The following SRSF3 variants were observed in gnomAD, a reference collection of about 807,000 sequenced individuals.
SRSF3 encodes serine and arginine rich splicing factor 3.
For synonymous variants in SRSF3, 87 were observed against 73.6 expected, an observed-to-expected ratio of 1.18 and a Z score of -0.93; for missense variants, 58 against 217.1, an observed-to-expected ratio of 0.27 and a Z score of 4.61.
intron 1 of SRSF3, among the ~76,000 whole-genome samples, 179 bp from the exon 2 acceptor site, chr6:36,596,582 G>GGGGGGGGGGGGGGGGGC (rs1219398166): frequency 6.9e-6 from 1 of 144,272 alleles, no homozygotes; most frequent in African/African-American, 2.6e-5. Flanking sequence ...GGCGGGGGGG[G>GGGGGGGGGGGGGGGGGC]GGAAATGGGT....
intron 3 of SRSF3, among the ~76,000 whole-genome samples, chr6:36,599,206 C>G (rs544285191): frequency 6.6e-6 from 1 of 152,252 alleles, no homozygotes; most frequent in East Asian, 1.9e-4. Flanking sequence ...TATCTTGGAT[C>G]TGTCTTCTAG....
At chr6:36,600,800 A>G (rs1450865809) in intron 3 of SRSF3, 1 of 181,486 alleles carries the variant, frequency 5.5e-6, no homozygotes, top group East Asian at 1.4e-4. Flanking sequence ...GGTTTATGGT[A>G]CTGTTTTTGG....
chr6:36,595,536 A>C (rs1180485202), intron 1 of SRSF3, among the ~76,000 whole-genome samples: 2 of 152,212 alleles, frequency 1.3e-5, no homozygotes, highest in East Asian at 1.9e-4. Flanking sequence ...GCAACCACTA[A>C]TCTTCCTGTC....
rs1778774838 is a variant in SRSF3, at chr6:36,604,235, G to GC, written c.*2246_*2247insC. On this transcript the variant is annotated 3_prime_UTR_variant, in exon 6 of 6. Transcript: ENST00000373715. ...CTTAGACCTGTGGTTTAAGGATCAA[G>GC]GTGTTCACTAGAAGTCACTGTTACT... 2 of 218,702 alleles carry GC rather than the reference G, an allele frequency of 9.1e-6. No individual in the cohort carries two copies. The highest frequency in any genetic ancestry group is 1.8e-5 in the Non-Finnish European group (2 of 108,838). 13.5% of individuals were successfully genotyped at this position (218,702 alleles called of 1,614,324 possible).
intron 1 of SRSF3, among the ~76,000 whole-genome samples, chr6:36,596,478 C>T (rs921744676): frequency 3.3e-5 from 5 of 150,560 alleles, no homozygotes; most frequent in African/African-American, 1.2e-4. Context: ...GGTAAATGCT[C>T]CTCCAGTTGT....
intron 2 of SRSF3, 87 bp downstream of exon 2, chr6:36,597,055 T>TC: frequency 8.8e-7 from 1 of 1,135,760 alleles, no homozygotes; most frequent in Non-Finnish European, 1.3e-6. Flanking sequence ...TAGATGGCTT[T>TC]CCCAATCACT....
intron 1 of SRSF3, chr6:36,594,884 C>T (rs1460494596): frequency 6.6e-6 from 1 of 152,116 alleles, no homozygotes; most frequent in Admixed American, 6.5e-5. Flanking sequence ...TAAATGGCCC[C>T]CGTAGTCACC....
chr6:36,600,674 A>G (rs1034988849), intron 3 of SRSF3: 12 of 153,808 alleles, frequency 7.8e-5, no homozygotes, highest in Admixed American at 1.9e-4. Context: ...TGCAGTTCTA[A>G]TGTAGCACTT....
chr6:36,600,445 A>C, intron 3 of SRSF3: 1 of 236,304 alleles, frequency 4.2e-6, no homozygotes, highest in Non-Finnish European at 6.9e-6. Flanking sequence ...TAATGTAACT[A>C]GGCCTTCAAG....
At chr6:36,596,675 C>G in intron 1 of SRSF3, 86 bp from the exon 2 acceptor site, 1 of 1,218,974 alleles carries the variant, frequency 8.2e-7, no homozygotes, top group Non-Finnish European at 1.2e-6. Flanking sequence ...CTCTCTTGTC[C>G]TCTCTAATGG....
rs1778676327 is a variant in SRSF3 at position 36,599,017 on chromosome 6, T to G, written c.341+34T>G. ...GAGAAAGCTTGTTAAGAGGTATTGGTGTAATGGAGTAGCTAGTAGGAGCAG... is the reference window on the plus strand; with the variant it reads ...GAGAAAGCTTGTTAAGAGGTATTGGGGTAATGGAGTAGCTAGTAGGAGCAG... On this transcript the variant is annotated intron_variant, in intron 3 of 5. Coordinates refer to ENST00000373715, the MANE Select transcript of SRSF3 (RefSeq NM_003017.5). 36 of 1,609,826 alleles carry G rather than the reference T, an allele frequency of 2.2e-5. No homozygotes were observed. In the East Asian group the frequency reaches 7.1e-4, roughly 32 times the overall value.
Position 36,602,183 on chromosome 6 carries a change from A to G in SRSF3, c.*194A>G. On this transcript the variant is annotated 3_prime_UTR_variant, in exon 6 of 6. Transcript: ENST00000373715. ...TCTATGGTTTGAAATGGATCATACG[A>G]GGCATGTAATACCAAGAATTGTTAC... 9.0e-7 allele frequency: 1 copy of G among 1,111,814 alleles called. No homozygotes were observed. Among genetic ancestry groups the G allele is most frequent in the Non-Finnish European group, 1.2e-6 (1 of 819,088 alleles). The allele number at this position is 1,111,814 out of a possible 1,614,324, so 68.9% of individuals were successfully genotyped here. A position where few individuals can be genotyped will look rare whatever the true frequency, so the allele number is the denominator to read the frequency against.
intron 3 of SRSF3, chr6:36,600,526 C>T (rs966487360): frequency 6.4e-6 from 1 of 157,480 alleles, no homozygotes; most frequent in African/African-American, 2.4e-5. Context: ...GCTTTTCTGG[C>T]AAAAATTTGT....
chr6:36,598,775 T>A, intron 2 of SRSF3, 74 bp from the exon 3 acceptor site: 1 of 1,543,328 alleles, frequency 6.5e-7, no homozygotes, highest in South Asian at 1.2e-5. Context: ...AATAGCCAAC[T>A]GAGAGTACTT....
chr6:36,601,497 A>T, intron 4 of SRSF3: 1 of 578,676 alleles, frequency 1.7e-6, no homozygotes, highest in Non-Finnish European at 3.0e-6. Context: ...ACAGGCAAGT[A>T]CTGCCATACC....
Position 36,598,980 on chromosome 6 carries a change from G to A in SRSF3, c.338G>A (p.Arg113His), listed in dbSNP as rs1035726854. 6.2e-7 allele frequency: 1 copy of A among 1,614,048 alleles called. No individual in the cohort carries two copies. The highest frequency in any genetic ancestry group is 8.5e-7 in the Non-Finnish European group (1 of 1,179,984). ...DYRRRSPPPR[R>H]RSPRRRSFSR... ...CGTAGGAGGAGTCCTCCACCTCGTC[G>A]CAGGTACTTGAGAGAAAGCTTGTTA... The change falls in exon 3 of 6, where the codon CGC becomes CAC. Residue 113 changes from arginine (R) to histidine (H), a missense_variant. Physicochemically the swap from Arg to His is conservative, Grantham distance 29 (BLOSUM62 0). Coordinates refer to ENST00000373715, the MANE Select transcript of SRSF3 (RefSeq NM_003017.5).
chr6:36,602,870 T>TA lies in SRSF3; in HGVS notation c.*882dup, dbSNP rs1778741248. 4.8e-6 allele frequency: 1 copy of TA among 208,598 alleles called. No individual in the cohort carries two copies. The allele number at this position is 208,598 out of a possible 1,614,324, so 12.9% of individuals were successfully genotyped here. ...TAACATTCCTATTGGAAGCCATACT[T>TA]ATATTTTCTTGTAAAGTGCTTTTGA... On this transcript the variant is annotated 3_prime_UTR_variant, in exon 6 of 6. Coordinates refer to ENST00000373715, the MANE Select transcript of SRSF3 (RefSeq NM_003017.5).
intron 1 of SRSF3, among the ~76,000 whole-genome samples, 187 bp from the exon 2 acceptor site, chr6:36,596,574 C>CGGGGGGGGGTGGCG (rs1778631619): frequency 1.1e-5 from 1 of 91,962 alleles, no homozygotes; most frequent in Non-Finnish European, 2.1e-5. Context: ...GGCGGGGTGG[C>CGGGGGGGGGTGGCG]GGGGGGGGGG....
In SRSF3 at chr6:36,594,387, G is replaced by C. The variant is rs562610856; in HGVS notation, c.-97G>C. On this transcript the variant is annotated 5_prime_UTR_variant, in exon 1 of 6. Coordinates refer to ENST00000373715, the MANE Select transcript of SRSF3 (RefSeq NM_003017.5). The stretch of plus-strand genomic sequence containing the variant: ...CCGCCATTTCGTGGACGCCGGGTGA[G>C]TGAGAGAGTTGGTTGGTGTTGGGCC... 6.6e-6 allele frequency: 1 copy of C among 152,634 alleles called. No homozygotes were observed. The highest frequency in any genetic ancestry group is 1.5e-5 in the Non-Finnish European group (1 of 68,148). The allele number at this position is 152,634 out of a possible 1,614,324, so 9.5% of individuals were successfully genotyped here. A position where few individuals can be genotyped will look rare whatever the true frequency, so the allele number is the denominator to read the frequency against.
Sources: gnomAD v4.1 joint callset for allele counts (sites outside exome capture counted in the v4.1 genomes callset) on GRCh38, gnomAD v4.1.1 for gene constraint, MANE v1.5 for transcripts, NCBI Gene and HGNC (gene_info 2026-07-23, HGNC 2026-07-21) for gene names.